TAOK1: variants seen among roughly 807,000 people sequenced by gnomAD.
TAOK1 encodes the protein serine/threonine-protein kinase TAO1.
Under a neutral mutation model 138.3 loss-of-function variants are expected in TAOK1, and 21 were observed. The observed-to-expected ratio is 0.15, with a 90% CI of 0.11 to 0.22. The LOEUF is 0.22. TAOK1 is among the 10% of genes least tolerant of loss of function. TAOK1 has a pLI of 1.00. For missense variants in TAOK1, 651 were observed against 1,227.7 expected (o/e 0.53, Z 7.02); for synonymous variants, 361 against 398.4 (o/e 0.91, Z 1.12).
chr17:29,492,057 G>C (rs1243314077), intron 10 of TAOK1, among the ~76,000 whole-genome samples, 192 bp downstream of exon 10: 1 of 151,936 alleles, frequency 6.6e-6, no homozygotes, highest in Non-Finnish European at 1.5e-5. Context: ...GCTAATTTTT[G>C]TATTTTTGTT....
At chr17:29,427,925 CAAAAA>C (rs34918500) in intron 1 of TAOK1, among the ~76,000 whole-genome samples, 13 of 115,008 alleles carry the variant, frequency 1.1e-4, no homozygotes, top group Admixed American at 2.7e-4. Flanking sequence ...GACTCTGTCT[CAAAAA>C]AAAAAAAAAA....
At chr17:29,508,550 A>G (rs1271978043) in intron 14 of TAOK1, among the ~76,000 whole-genome samples, 2 of 152,130 alleles carry the variant, frequency 1.3e-5, no homozygotes, top group South Asian at 4.1e-4. Flanking sequence ...TTACTCAGTT[A>G]CTTTAAGCTT....
At position 29,475,752 on chromosome 17, in the gene TAOK1, T is replaced by G. The variant is rs1372516225; in HGVS notation, c.287T>G (p.Leu96Ter). 1 of 1,612,662 alleles carries G rather than the reference T, an allele frequency of 6.2e-7. No homozygotes were observed. ...PNSIEYKGCYLREHTAWLVME... is the reference protein window; with the variant it reads ...PNSIEYKGCY Reference sequence around the variant, plus strand: ...AGTATAGAATACAAAGGCTGTTATTTACGTGAACACACAGCATGGGTTGGT... The same window carrying G: ...AGTATAGAATACAAAGGCTGTTATTGACGTGAACACACAGCATGGGTTGGT... Residue 96 changes from leucine (L) to a stop codon, truncating the protein, a stop_gained, in exon 4 of 20, where the codon TTA becomes TGA. Coordinates refer to ENST00000261716, the MANE Select transcript of TAOK1 (RefSeq NM_020791.4). LOFTEE classifies it high-confidence loss of function.
rs1422550624 is a variant in TAOK1, at chr17:29,390,927, C to T, written c.-192C>T. ...GGGGCGGCGATCTGTCGCCGGGCCC[C>T]CTCCTCCTCCTCACTCCTCACCCTC... On this transcript the variant is annotated 5_prime_UTR_variant, in exon 1 of 20. Transcript: ENST00000261716. 6.6e-6 allele frequency: 1 copy of T among 152,290 alleles called. No individual in the cohort carries two copies. The highest frequency in any genetic ancestry group is 2.4e-5 in the African/African-American group (1 of 41,428). The allele number at this position is 152,290 out of a possible 1,614,324, so 9.4% of individuals were successfully genotyped here. A position where few individuals can be genotyped will look rare whatever the true frequency, so the allele number is the denominator to read the frequency against.
chr17:29,516,989 A>ATT (rs770682970), intron 15 of TAOK1, among the ~76,000 whole-genome samples: 27 of 140,142 alleles, frequency 1.9e-4, no homozygotes, highest in African/African-American at 6.8e-4. Flanking sequence ...TACCCAGCTA[A>ATT]TTTTTTTTTT....
Position 29,543,413 on chromosome 17 carries a change from A to T in TAOK1, c.*391A>T, listed in dbSNP as rs187989356. The T allele has an allele frequency of 2.3e-3, 364 of 156,134 alleles. 1 individual carries two copies. The highest frequency in any genetic ancestry group is 4.0e-3 in the Non-Finnish European group (279 of 70,148). The allele number at this position is 156,134 out of a possible 1,614,324, so 9.7% of individuals were successfully genotyped here. ...TCAGTTATCACTTTTGGGTGTCTGT[A>T]TCCTAAGAAGTTTCTGAAAAGATCT... is the stretch of plus-strand genomic sequence containing the variant. On this transcript the variant is annotated 3_prime_UTR_variant, in exon 20 of 20. Transcript: ENST00000261716.
chr17:29,428,635 A>G (rs1285401749), intron 1 of TAOK1, among the ~76,000 whole-genome samples: 1 of 151,906 alleles, frequency 6.6e-6, no homozygotes, highest in Non-Finnish European at 1.5e-5. Flanking sequence ...TGAGAGTTAT[A>G]TATATATTTT....
intron 2 of TAOK1, among the ~76,000 whole-genome samples, chr17:29,460,296 A>G (rs888368184): frequency 1.3e-5 from 2 of 152,156 alleles, no homozygotes; most frequent in African/African-American, 4.8e-5. Flanking sequence ...GGTTCATGCA[A>G]TTCTTCTGGC....
chr17:29,396,736 G>A (rs1479916789), intron 1 of TAOK1, among the ~76,000 whole-genome samples: 1 of 152,216 alleles, frequency 6.6e-6, no homozygotes, highest in Non-Finnish European at 1.5e-5. Flanking sequence ...GGTGGCTCAC[G>A]CCTGTAATCC....
At chr17:29,424,741 C>T (rs1905580299) in intron 1 of TAOK1, 1 of 152,088 alleles carries the variant, frequency 6.6e-6, no homozygotes, top group Non-Finnish European at 1.5e-5. Context: ...TTTTGTACAA[C>T]TTAACATAAG....
chr17:29,396,990 C>CAAAA, intron 1 of TAOK1, among the ~76,000 whole-genome samples: 1 of 69,548 alleles, frequency 1.4e-5, no homozygotes, highest in Non-Finnish European at 2.5e-5. Flanking sequence ...AACTCTGTCT[C>CAAAA]AAAAAAAAAA....
chr17:29,542,024 G>A (rs1263686930), intron 19 of TAOK1, among the ~76,000 whole-genome samples: 1 of 151,652 alleles, frequency 6.6e-6, no homozygotes, highest in African/African-American at 2.4e-5. Context: ...ACAGGGGCCC[G>A]CCACCACCAT....
At chr17:29,393,467 T>C (rs768639019) in intron 1 of TAOK1, among the ~76,000 whole-genome samples, 7 of 152,186 alleles carry the variant, frequency 4.6e-5, no homozygotes, top group South Asian at 2.1e-4. Flanking sequence ...ATAAATACAT[T>C]ATTAAGGAAA....
chr17:29,527,513 T>A (rs565518588), intron 17 of TAOK1, among the ~76,000 whole-genome samples: 2 of 152,260 alleles, frequency 1.3e-5, no homozygotes, highest in Non-Finnish European at 2.9e-5. Context: ...GAGTTTCTCT[T>A]ACTAGCTAGA....
chr17:29,479,347 A>G (rs778677887), intron 6 of TAOK1, among the ~76,000 whole-genome samples: 11 of 152,184 alleles, frequency 7.2e-5, no homozygotes, highest in South Asian at 2.1e-4. Flanking sequence ...ATTTTAAACT[A>G]TATAATAGAG....
rs561953636 is a variant in TAOK1, at chr17:29,544,962, G to A, written c.*1940G>A. The A allele has an allele frequency of 4.6e-5, 7 of 152,156 alleles. No homozygotes were observed. The highest frequency in any genetic ancestry group is 2.1e-4 in the South Asian group (1 of 4,826). 9.4% of individuals were successfully genotyped at this position (152,156 alleles called of 1,614,324 possible). On this transcript the variant is annotated 3_prime_UTR_variant, in exon 20 of 20. Coordinates refer to ENST00000261716, the MANE Select transcript of TAOK1 (RefSeq NM_020791.4). ...TAAGTCTTTCCCAGGTATGTCAGTCGAGTTGCCATGAATCCTCACCTGTAG... is the reference window on the plus strand; with the variant it reads ...TAAGTCTTTCCCAGGTATGTCAGTCAAGTTGCCATGAATCCTCACCTGTAG...
At chr17:29,492,512 G>T (rs1415821684) in intron 10 of TAOK1, among the ~76,000 whole-genome samples, 2 of 152,204 alleles carry the variant, frequency 1.3e-5, no homozygotes, top group African/African-American at 2.4e-5. Context: ...ACATAGCTTA[G>T]CCAGGCGCGG....
At chr17:29,466,016 A>G (rs565832797) in intron 2 of TAOK1, among the ~76,000 whole-genome samples, 1 of 151,908 alleles carries the variant, frequency 6.6e-6, no homozygotes, top group Non-Finnish European at 1.5e-5. Flanking sequence ...CTTCTCTACA[A>G]TTGAATACAT....
At chr17:29,476,950 A>G (rs549320876) in intron 4 of TAOK1, among the ~76,000 whole-genome samples, 47 of 152,094 alleles carry the variant, frequency 3.1e-4, no homozygotes, top group African/African-American at 1.1e-3. Context: ...GGTTCATGCC[A>G]TTCTCCTGCC....
Sources: gnomAD v4.1 joint callset for allele counts (sites outside exome capture counted in the v4.1 genomes callset) on GRCh38, gnomAD v4.1.1 for gene constraint, MANE v1.5 for transcripts, NCBI Gene and HGNC (gene_info 2026-07-23, HGNC 2026-07-21) for gene names.